TTC39B: variants seen among roughly 807,000 people sequenced by gnomAD.
The protein encoded by TTC39B is tetratricopeptide repeat domain 39B.
In TTC39B, 92 loss-of-function variants were observed where a neutral mutation model predicts 96.6. The ratio of observed to expected loss-of-function variants is 0.95; its 90% CI spans 0.80 to 1.13. The LOEUF (loss-of-function observed/expected upper bound fraction) is 1.13. TTC39B is among the 50% of genes most tolerant of loss of function. The probability of loss-of-function intolerance (pLI) is 0.00; values close to 1 mark genes in which losing one functional copy is unlikely to be tolerated. For missense variants in TTC39B, 955 were observed against 809.3 expected (o/e 1.18, Z -2.18); for synonymous variants, 367 against 299.4 (o/e 1.23, Z -2.33).
intron 1 of TTC39B, among the ~76,000 whole-genome samples, chr9:15,289,349 T>G (rs635376): frequency 0.52 from 79,316 of 152,062 alleles, 20,921 homozygotes; most frequent in East Asian, 0.71. Flanking sequence ...GTCATATGAA[T>G]GTACTTACAA....
chr9:15,282,339 G>T (rs1356910641), intron 1 of TTC39B, among the ~76,000 whole-genome samples: 2 of 152,124 alleles, frequency 1.3e-5, no homozygotes, highest in Non-Finnish European at 2.9e-5. Flanking sequence ...GCAGTAAAAG[G>T]AATTTGAAAT....
chr9:15,267,413 A>C (rs1014085728), intron 2 of TTC39B, among the ~76,000 whole-genome samples: 1 of 152,248 alleles, frequency 6.6e-6, no homozygotes, highest in African/African-American at 2.4e-5. Flanking sequence ...AAATATAACA[A>C]AGCTATACAC....
intron 1 of TTC39B, among the ~76,000 whole-genome samples, chr9:15,289,573 G>A (rs1246603655): frequency 6.6e-6 from 1 of 152,180 alleles, no homozygotes; most frequent in Non-Finnish European, 1.5e-5. Flanking sequence ...CCATGTGTCT[G>A]CTACCTCGCA....
At chr9:15,171,321 T>G (rs1292188394) in exon 20 of TTC39B, 1 of 152,232 alleles carries the variant, frequency 6.6e-6, no homozygotes, top group African/African-American at 2.4e-5. Flanking sequence ...TGACACTTCC[T>G]TCCCTTTAGA....
chr9:15,209,293 A>G (rs899809748), intron 6 of TTC39B, among the ~76,000 whole-genome samples: 13 of 152,146 alleles, frequency 8.5e-5, no homozygotes, highest in African/African-American at 3.1e-4. Flanking sequence ...ACGTCAAGCA[A>G]TTGACAGCAA....
chr9:15,166,829 A>G (rs1297642365), exon 20 of TTC39B: 12 of 151,132 alleles, frequency 7.9e-5, no homozygotes. Context: ...GTAGTTTTGT[A>G]TATAGCTATC....
At chr9:15,300,965 C>T (rs150721521) in intron 1 of TTC39B, among the ~76,000 whole-genome samples, 12 of 149,602 alleles carry the variant, frequency 8.0e-5, no homozygotes, top group African/African-American at 2.4e-4. Context: ...AATTCCTTAG[C>T]GTGACATTCA....
At chr9:15,287,033 A>G (rs1195345945) in intron 1 of TTC39B, among the ~76,000 whole-genome samples, 1 of 152,220 alleles carries the variant, frequency 6.6e-6, no homozygotes, top group African/African-American at 2.4e-5. Flanking sequence ...AAACTTCAGC[A>G]ATAAGACTAA....
chr9:15,243,526 GA>G (rs1273895500), intron 2 of TTC39B, among the ~76,000 whole-genome samples: 3 of 152,122 alleles, frequency 2.0e-5, no homozygotes, highest in Non-Finnish European at 2.9e-5. Context: ...ACTGTCTACA[GA>G]AAAAAAGCAC....
At chr9:15,292,930 T>C (rs1563794187) in intron 1 of TTC39B, among the ~76,000 whole-genome samples, 1 of 152,250 alleles carries the variant, frequency 6.6e-6, no homozygotes, top group Non-Finnish European at 1.5e-5. Flanking sequence ...AACATAAATG[T>C]GGTGCAGCTT....
chr9:15,199,810 G>A (rs1419498254), intron 8 of TTC39B, 51 bp downstream of exon 8: 4 of 769,190 alleles, frequency 5.2e-6, no homozygotes, highest in East Asian at 3.5e-5. Context: ...AAGAACAAAG[G>A]AGTACACAGC....
At chr9:15,268,029 C>T (rs1343595388) in intron 1 of TTC39B, 81 bp from the exon 2 acceptor site, 16 of 1,321,134 alleles carry the variant, frequency 1.2e-5, no homozygotes, top group Non-Finnish European at 1.7e-5. Context: ...AAAATGAATA[C>T]ACGCATTGGG....
chr9:15,218,566 C>T (rs997356157), intron 3 of TTC39B, among the ~76,000 whole-genome samples: 4 of 149,836 alleles, frequency 2.7e-5, no homozygotes, highest in African/African-American at 5.0e-5. Flanking sequence ...AGTGAGGTGA[C>T]GACTCCTCAT....
chr9:15,188,057 G>GCTCC lies in TTC39B; in HGVS notation c.1305_1308dup (p.Leu437GlyfsTer6), dbSNP rs1818636455. On this transcript the variant is annotated frameshift_variant, in exon 14 of 20. Coordinates refer to ENST00000512701, the Ensembl canonical transcript of TTC39B. LOFTEE classifies it high-confidence loss of function. Reference sequence around the variant, plus strand: ...TGTTGGAAAACATTAATCCACATTAGCTCCCAGTAGCAGAGATGGTGAAAC... The same window carrying GCTCC: ...TGTTGGAAAACATTAATCCACATTAGCTCCCTCCCAGTAGCAGAGATGGTGAAAC... The GCTCC allele has an allele frequency of 6.2e-7, 1 of 1,611,988 alleles. No homozygotes were observed. The highest frequency in any genetic ancestry group is 1.3e-5 in the African/African-American group (1 of 74,820).
At chr9:15,301,608 T>G (rs1208385214) in intron 1 of TTC39B, among the ~76,000 whole-genome samples, 1 of 151,554 alleles carries the variant, frequency 6.6e-6, no homozygotes, top group East Asian at 2.0e-4. Flanking sequence ...TACAAAAAAT[T>G]GGATGGTCGT....
intron 10 of TTC39B, among the ~76,000 whole-genome samples, chr9:15,190,900 G>C (rs1192366262): frequency 6.6e-6 from 1 of 151,112 alleles, no homozygotes; most frequent in Admixed American, 6.6e-5. Context: ...TATTAAGAAA[G>C]CATAGGAAAC....
intron 2 of TTC39B, among the ~76,000 whole-genome samples, chr9:15,264,446 G>C (rs1246081490): frequency 6.6e-6 from 1 of 152,098 alleles, no homozygotes; most frequent in Admixed American, 6.5e-5. Flanking sequence ...CTGAGGTCAG[G>C]AGTTTGAGAT....
At position 15,266,245 on chromosome 9, in the gene TTC39B, GT is replaced by G. The variant is rs34562908; in HGVS notation, c.275+1668del. The stretch of plus-strand genomic sequence containing the variant: ...ATAGGTTAATCCCAATCACAATTAA[GT>G]TTTTTTTTTAAAAAATCATATAAAC... On this transcript the variant is annotated intron_variant, in intron 2 of 19. Transcript: ENST00000512701. Among the ~76,000 whole-genome samples the G allele has an allele frequency of 1.9e-4, 28 of 149,370 alleles. 1 individual carries two copies. The highest frequency in any genetic ancestry group is 2.7e-4 in the African/African-American group (11 of 40,838).
chr9:15,290,580 C>A (rs781432503), intron 1 of TTC39B, among the ~76,000 whole-genome samples: 4 of 152,236 alleles, frequency 2.6e-5, no homozygotes, highest in Admixed American at 1.3e-4. Context: ...GAGACAAATG[C>A]ACGTTTGACG....
Sources: allele counts gnomAD v4.1 joint callset (sites outside exome capture counted in the v4.1 genomes callset), GRCh38; gene constraint gnomAD v4.1.1; transcripts MANE v1.5; gene names NCBI Gene and HGNC (gene_info 2026-07-23, HGNC 2026-07-21).